Variants in UGT2B4 observed in about 807,000 individuals in gnomAD.
The protein encoded by UGT2B4 is UDP glucuronosyltransferase family 2 member B4, also known as UDP-glucuronosyltransferase 2B4.
Under a neutral mutation model 49.8 loss-of-function variants are expected in UGT2B4, and 49 were observed. The observed-to-expected ratio is 0.98, with a 90% CI of 0.78 to 1.25. The LOEUF is 1.25. UGT2B4 is among the 50% of genes most tolerant of loss of function. UGT2B4 has a pLI of 0.00. For synonymous variants in UGT2B4, 246 were observed against 217.7 expected (o/e 1.13, Z -1.14); for missense variants, 729 against 627.7 (o/e 1.16, Z -1.73).
At chr4:69,486,004 AC>A (rs1415045127) in intron 4 of UGT2B4, among the ~76,000 whole-genome samples, 1 of 152,006 alleles carries the variant, frequency 6.6e-6, no homozygotes, top group Non-Finnish European at 1.5e-5. Context: ...CAGTCAATCC[AC>A]CTGCATCAGC....
At chr4:69,502,599 G>C (rs1244263751) in intron 1 of UGT2B4, among the ~76,000 whole-genome samples, 1 of 152,106 alleles carries the variant, frequency 6.6e-6, no homozygotes, top group African/African-American at 2.4e-5. Context: ...TAATGTGGTT[G>C]CCTGTTCCCA....
At chr4:69,491,860 T>C (rs1727996994) in intron 2 of UGT2B4, among the ~76,000 whole-genome samples, 1 of 152,176 alleles carries the variant, frequency 6.6e-6, no homozygotes, top group Non-Finnish European at 1.5e-5. Context: ...ATAAAGCCCA[T>C]ACAATTTGCA....
At chr4:69,507,234 G>A (rs1421784496) in intron 1 of UGT2B4, among the ~76,000 whole-genome samples, 5 of 152,076 alleles carry the variant, frequency 3.3e-5, no homozygotes, top group East Asian at 1.9e-4. Flanking sequence ...GCCATCAGGC[G>A]AGCGAAAGAA....
chr4:69,506,708 C>T (rs1438892774), intron 1 of UGT2B4, among the ~76,000 whole-genome samples: 3 of 152,100 alleles, frequency 2.0e-5, no homozygotes, highest in Non-Finnish European at 4.4e-5. Flanking sequence ...AGGGACTCCT[C>T]CCTAAGTCAT....
chr4:69,503,378 C>G (rs7679951), intron 1 of UGT2B4, among the ~76,000 whole-genome samples: 17,995 of 152,178 alleles, frequency 0.12, 1,198 homozygotes, highest in East Asian at 0.25. Flanking sequence ...CATGTTCTCT[C>G]CCAAGACTGC....
At chr4:69,500,606 G>GCAAGAAGA (rs1553896493), upstream of UGT2B4, among the ~76,000 whole-genome samples, 1 of 99,510 alleles carries the variant, frequency 1.0e-5, no homozygotes, top group Non-Finnish European at 2.0e-5. Flanking sequence ...AGAAAGCAAG[G>GCAAGAAGA]AAGAAAGAAA....
intron 5 of UGT2B4, among the ~76,000 whole-genome samples, chr4:69,482,124 C>T (rs1727611463): frequency 6.6e-6 from 1 of 152,150 alleles, no homozygotes; most frequent in African/African-American, 2.4e-5. Flanking sequence ...ATTGCGTCCC[C>T]TCTACCCACA....
At position 69,480,925 on chromosome 4, in the gene UGT2B4, G is replaced by A; in HGVS notation, c.1311-15C>T. The A allele has an allele frequency of 6.2e-7, 1 of 1,610,704 alleles. No individual in the cohort carries two copies. Among genetic ancestry groups the A allele is most frequent in the African/African-American group, 1.3e-5 (1 of 74,780 alleles). On this transcript the variant is annotated splice_polypyrimidine_tract_variant and intron_variant, in intron 5 of 5. Transcript: ENST00000305107. ...TCTCTTTATATCTAAACGATAAGCA[G>A]AAAAGTATCAACATTGAAAGTAAGT...
Position 69,510,861 on chromosome 4 carries a change from G to A in UGT2B4, c.-106+14826C>T, listed in dbSNP as rs574547457. Among the ~76,000 whole-genome samples the A allele has an allele frequency of 6.6e-5, 10 of 152,162 alleles. No homozygotes were observed. The South Asian group carries it at 2.1e-3, about 32-fold the overall frequency. ...TCCAGTACTATGTGGAATAGAAGTA[G>A]CAAGAGTAGGGTCCTTGCCTTGTCC... On this transcript the variant is annotated intron_variant, in intron 1 of 1. Transcript: ENST00000510114.
intron 5 of UGT2B4, among the ~76,000 whole-genome samples, chr4:69,481,784 A>T (rs1727599047): frequency 6.6e-6 from 1 of 152,214 alleles, no homozygotes. Context: ...TATCATCTTT[A>T]AGTTTCTAAA....
chr4:69,507,450 A>G (rs1004549934), intron 1 of UGT2B4, among the ~76,000 whole-genome samples: 5 of 152,162 alleles, frequency 3.3e-5, no homozygotes, highest in Non-Finnish European at 7.4e-5. Context: ...TCCAAATCAG[A>G]AACAAACTCT....
chr4:69,498,221 C>G (rs763721072), upstream of UGT2B4, among the ~76,000 whole-genome samples: 24 of 152,110 alleles, frequency 1.6e-4, no homozygotes, highest in Non-Finnish European at 3.4e-4. Context: ...ATTGTAGTAG[C>G]CTGGAACCAA....
At chr4:69,480,985 TC>T in intron 5 of UGT2B4, 75 bp from the exon 6 acceptor site, 2 of 1,520,598 alleles carry the variant, frequency 1.3e-6, no homozygotes, top group African/African-American at 1.4e-5. Context: ...ACACCTGCAA[TC>T]CCAGCAGTTT....
At chr4:69,524,929 C>T (rs146225627) in intron 1 of UGT2B4, among the ~76,000 whole-genome samples, 9 of 151,978 alleles carry the variant, frequency 5.9e-5, no homozygotes, top group African/African-American at 1.7e-4. Flanking sequence ...GTGTGGCTAA[C>T]GGAAAGAATT....
chr4:69,507,790 TA>T (rs1363029374), intron 1 of UGT2B4, among the ~76,000 whole-genome samples: 1 of 152,154 alleles, frequency 6.6e-6, no homozygotes, highest in Non-Finnish European at 1.5e-5. Context: ...ATTCAGAATA[TA>T]GACACGGGCA....
At chr4:69,497,316 C>T (rs1185728864), upstream of UGT2B4, among the ~76,000 whole-genome samples, 3 of 152,278 alleles carry the variant, frequency 2.0e-5, no homozygotes, top group East Asian at 3.9e-4. Context: ...TCTATGACTC[C>T]AATTTTTCAG....
intron 1 of UGT2B4, among the ~76,000 whole-genome samples, chr4:69,502,087 C>CTT (rs780839341): frequency 4.4e-3 from 169 of 38,322 alleles, no homozygotes; most frequent in African/African-American, 0.014. Context: ...TTCTTTCTTT[C>CTT]TCTCTCTTTC....
chr4:69,516,658 G>C (rs983448454), intron 1 of UGT2B4, among the ~76,000 whole-genome samples: 2 of 152,050 alleles, frequency 1.3e-5, no homozygotes, highest in Non-Finnish European at 2.9e-5. Flanking sequence ...CCAGGCTGGA[G>C]TGCAGTGGTG....
intron 2 of UGT2B4, 92 bp from the exon 3 acceptor site, chr4:69,489,662 T>A (rs28542932): frequency 0.44 from 665,607 of 1,500,790 alleles, 150,930 homozygotes; most frequent in South Asian, 0.63. Flanking sequence ...AAAATCAAGT[T>A]TTATCAGGAA....
Sources: gnomAD v4.1 joint callset for allele counts (sites outside exome capture counted in the v4.1 genomes callset) on GRCh38, gnomAD v4.1.1 for gene constraint, MANE v1.5 for transcripts, NCBI Gene and HGNC (gene_info 2026-07-23, HGNC 2026-07-21) for gene names.